The following MECOM variants were observed in gnomAD, a reference collection of about 807,000 sequenced individuals.
MECOM encodes histone-lysine N-methyltransferase MECOM.
Under a neutral mutation model 116.3 loss-of-function variants are expected in MECOM, and 13 were observed. The ratio of observed to expected loss-of-function variants is 0.11; its 90% CI spans 0.07 to 0.18. MECOM has a LOEUF of 0.18. MECOM is among the 10% of genes least tolerant of loss of function. The pLI is 1.00. For missense variants in MECOM, 1,299 were observed against 1,509.0 expected, an observed-to-expected ratio of 0.86 and a Z score of 2.31; for synonymous variants, 528 against 535.2, an observed-to-expected ratio of 0.99 and a Z score of 0.19.
At chr3:169,322,244 TTTC>T (rs999267607) in intron 2 of MECOM, among the ~76,000 whole-genome samples, 13 of 152,250 alleles carry the variant, frequency 8.5e-5, no homozygotes, top group African/African-American at 2.9e-4. Flanking sequence ...CCCAAATATT[TTTC>T]TTCTTTATTT....
chr3:169,285,488 G>T (rs933826797), intron 2 of MECOM, among the ~76,000 whole-genome samples: 21 of 152,156 alleles, frequency 1.4e-4, no homozygotes, highest in Non-Finnish European at 1.6e-4. Flanking sequence ...CAAACAAATG[G>T]TCAGCTGAAT....
At chr3:169,114,099 T>C (rs1560178245) in intron 8 of MECOM, among the ~76,000 whole-genome samples, 1 of 152,160 alleles carries the variant, frequency 6.6e-6, no homozygotes, top group Non-Finnish European at 1.5e-5. Context: ...TGAAAAATTA[T>C]CTTAACAAAG....
chr3:169,121,006 T>C, intron 7 of MECOM, 50 bp downstream of exon 7: 1 of 1,547,998 alleles, frequency 6.5e-7, no homozygotes, highest in Non-Finnish European at 8.8e-7. Context: ...ACAGTGCCTT[T>C]TGGGGAAGAG....
chr3:169,131,882 C>T (rs1734831780), intron 3 of MECOM: 3 of 1,018,130 alleles, frequency 2.9e-6, no homozygotes, highest in Non-Finnish European at 2.4e-6. Flanking sequence ...GCAAACCACA[C>T]GTACTCACAG....
chr3:169,281,584 G>T (rs1712014872), intron 2 of MECOM, among the ~76,000 whole-genome samples: 1 of 152,158 alleles, frequency 6.6e-6, no homozygotes, highest in Admixed American at 6.5e-5. Flanking sequence ...GCTGAGGCAG[G>T]TGGATAGCTT....
chr3:169,321,486 A>T (rs141558289), intron 2 of MECOM, among the ~76,000 whole-genome samples: 3,075 of 152,174 alleles, frequency 0.02, 99 homozygotes, highest in African/African-American at 0.071. Context: ...GGTTGCAGTG[A>T]GCTGAGATTG....
At chr3:169,473,891 A>G (rs1749942128) in intron 1 of MECOM, among the ~76,000 whole-genome samples, 1 of 148,462 alleles carries the variant, frequency 6.7e-6, no homozygotes, top group Admixed American at 6.9e-5. Flanking sequence ...TGTAGTATTC[A>G]TTATATCTAT....
intron 2 of MECOM, among the ~76,000 whole-genome samples, chr3:169,233,848 C>G (rs1266322193): frequency 6.6e-6 from 1 of 152,150 alleles, no homozygotes; most frequent in Non-Finnish European, 1.5e-5. Context: ...GATTTTCATG[C>G]TGGAAATGAA....
At chr3:169,311,292 A>C (rs1056121015) in intron 2 of MECOM, among the ~76,000 whole-genome samples, 2 of 152,208 alleles carry the variant, frequency 1.3e-5, no homozygotes, top group African/African-American at 4.8e-5. Context: ...GAGAAAAAAA[A>C]CTTGGTAAGT....
chr3:169,327,638 T>TC (rs1722068810), intron 2 of MECOM, among the ~76,000 whole-genome samples: 1 of 78,752 alleles, frequency 1.3e-5, no homozygotes, highest in African/African-American at 4.9e-5. Context: ...AGACTGTGTC[T>TC]CAAAAAAAAA....
chr3:169,479,788 C>G (rs529913334), intron 1 of MECOM, among the ~76,000 whole-genome samples: 16 of 152,164 alleles, frequency 1.1e-4, no homozygotes, highest in African/African-American at 3.9e-4. Context: ...TTATAGGGAC[C>G]TGAAAAGCTC....
At chr3:169,577,067 G>T (rs1764603365) in intron 1 of MECOM, among the ~76,000 whole-genome samples, 1 of 152,060 alleles carries the variant, frequency 6.6e-6, no homozygotes, top group South Asian at 2.1e-4. Flanking sequence ...TCTGAATCCT[G>T]GTTTTGCCAC....
At chr3:169,607,783 C>T (rs1398605617) in intron 1 of MECOM, among the ~76,000 whole-genome samples, 1 of 152,200 alleles carries the variant, frequency 6.6e-6, no homozygotes, top group Non-Finnish European at 1.5e-5. Flanking sequence ...GAGATAAACA[C>T]TCGTAGAATA....
intron 1 of MECOM, among the ~76,000 whole-genome samples, chr3:169,404,442 A>T (rs998928222): frequency 1.3e-5 from 2 of 152,230 alleles, no homozygotes; most frequent in African/African-American, 4.8e-5. Context: ...CAAACAAAAA[A>T]CAAGCTCAAA....
intron 2 of MECOM, among the ~76,000 whole-genome samples, chr3:169,248,420 G>A (rs1000326885): frequency 6.6e-6 from 1 of 152,158 alleles, no homozygotes; most frequent in African/African-American, 2.4e-5. Flanking sequence ...CTACCTCTTA[G>A]TTTGTATTGC....
At chr3:169,203,103 T>C (rs1749406553) in intron 2 of MECOM, among the ~76,000 whole-genome samples, 1 of 152,154 alleles carries the variant, frequency 6.6e-6, no homozygotes, top group Non-Finnish European at 1.5e-5. Context: ...ATAAGCATGG[T>C]CAAGGTGAGC....
At chr3:169,209,227 T>C (rs767679329) in intron 2 of MECOM, among the ~76,000 whole-genome samples, 10 of 152,072 alleles carry the variant, frequency 6.6e-5, no homozygotes, top group Non-Finnish European at 1.5e-5. Flanking sequence ...AAGACTTAAA[T>C]GTAAAACCCA....
chr3:169,084,302 C>T lies in MECOM; in HGVS notation c.*607G>A, dbSNP rs1716997266. 1 of 231,132 alleles carries T rather than the reference C, an allele frequency of 4.3e-6. No homozygotes were observed. Among genetic ancestry groups the T allele is most frequent in the Non-Finnish European group, 8.6e-6 (1 of 116,922 alleles). The allele number at this position is 231,132 out of a possible 1,614,324, so 14.3% of individuals were successfully genotyped here. On this transcript the variant is annotated 3_prime_UTR_variant, in exon 17 of 17. Coordinates refer to ENST00000651503, the MANE Select transcript of MECOM (RefSeq NM_004991.4). ...GTTAACATCCATAGTTTACAATATACACATACCCTTTTTCCCTAGTTTTAA... is the reference window on the plus strand; with the variant it reads ...GTTAACATCCATAGTTTACAATATATACATACCCTTTTTCCCTAGTTTTAA...
At position 169,170,780 on chromosome 3, in the gene MECOM, A is replaced by G. The variant is rs558498287; in HGVS notation, c.376-26948T>C. 4.3e-4 allele frequency among the ~76,000 whole-genome samples: 66 copies of G among 152,300 alleles called. 2 individuals are homozygous for G. The South Asian group carries it at 0.013, about 30-fold the overall frequency. ...TTTTCCCCTTGACACTGTTGAACTC[A>G]ACAGCCGAAAAGGAATTCTATTAAC... On this transcript the variant is annotated intron_variant, in intron 2 of 16. Transcript: ENST00000651503.
Sources: allele counts gnomAD v4.1 joint callset (sites outside exome capture counted in the v4.1 genomes callset), GRCh38; gene constraint gnomAD v4.1.1; transcripts MANE v1.5; gene names NCBI Gene and HGNC (gene_info 2026-07-23, HGNC 2026-07-21).